Variants in AKAP9 observed in about 807,000 individuals in gnomAD.
The protein encoded by AKAP9 is A-kinase anchor protein 9.
AKAP9 carries 311 observed loss-of-function variants against 488.5 expected under a neutral mutation model. That is an observed-to-expected ratio of 0.64 (90% CI 0.58 to 0.70). AKAP9 has a LOEUF of 0.70. AKAP9 is among the 30% of genes least tolerant of loss of function. AKAP9 has a pLI of 0.00. For missense variants in AKAP9, 4,215 were observed against 4,374.5 expected (o/e 0.96, Z 1.03); for synonymous variants, 1,462 against 1,483.5 (o/e 0.99, Z 0.33).
chr7:92,098,639 C>A (rs1817046232), intron 43 of AKAP9, among the ~76,000 whole-genome samples: 2 of 152,168 alleles, frequency 1.3e-5, no homozygotes, highest in South Asian at 2.1e-4. Flanking sequence ...TCTTTCCTTG[C>A]CTGTCATGTC....
Position 92,089,479 on chromosome 7 carries a change from G to A in AKAP9, c.9308G>A (p.Gly3103Asp). The change falls in exon 38 of 50, where the codon GGT (glycine) becomes GAT (aspartate). Residue 3103 changes from glycine to aspartate, a missense_variant. By Grantham distance (94) the Gly-to-Asp change is moderately conservative. Transcript: ENST00000356239. ...EIQALHAQMN[G>D]RKITLKREQE... is the part of the protein sequence containing the mutation. ...CAGGCACTGCATGCACAAATGAATG[G>A]TAGGAAAATTACTCTGAAAAGAGAA... is the stretch of plus-strand genomic sequence containing the variant. 1 of 1,613,428 alleles carries A rather than the reference G, an allele frequency of 6.2e-7. No individual in the cohort carries two copies. The highest frequency in any genetic ancestry group is 8.5e-7 in the Non-Finnish European group (1 of 1,179,748).
chr7:92,003,011 G>A lies in AKAP9; in HGVS notation c.3094G>A (p.Glu1032Lys), dbSNP rs370276249. The A allele has an allele frequency of 4.3e-6, 7 of 1,613,386 alleles. No individual in the cohort carries two copies. The highest frequency in any genetic ancestry group is 4.0e-5 in the African/African-American group (3 of 74,904). Residue 1032 changes from glutamate to lysine, a missense_variant, in exon 8 of 50, where the codon GAA becomes AAA. Around this residue, in one of 5 missense-constraint regions of AKAP9, gnomAD observed 2,361 missense variants for 2,430.0 expected, o/e 0.97. Transcript: ENST00000356239. Reference protein sequence around the residue: ...GVVTMTSRGAEGSVSKVNKSF... With the variant: ...GVVTMTSRGAKGSVSKVNKSF... Reference sequence around the variant, plus strand: ...TGTGACCATGACAAGCAGGGGTGCTGAAGGATCAGTTTCTAAAGTAAATAA... The same window carrying A: ...TGTGACCATGACAAGCAGGGGTGCTAAAGGATCAGTTTCTAAAGTAAATAA...
At chr7:92,089,018 A>G (rs1390512859) in intron 37 of AKAP9, among the ~76,000 whole-genome samples, 1 of 152,218 alleles carries the variant, frequency 6.6e-6, no homozygotes, top group Non-Finnish European at 1.5e-5. Context: ...ATTCAAGGTC[A>G]TGAAAGACAA....
chr7:91,997,853 A>C (rs117250050), intron 7 of AKAP9, among the ~76,000 whole-genome samples: 2,753 of 152,238 alleles, frequency 0.018, 30 homozygotes, highest in Admixed American at 0.034. Flanking sequence ...CACTATATAC[A>C]TTTTTTTAAA....
At chr7:92,037,810 G>A (rs896003117) in intron 16 of AKAP9, among the ~76,000 whole-genome samples, 7 of 152,138 alleles carry the variant, frequency 4.6e-5, no homozygotes, top group Admixed American at 3.3e-4. Context: ...CATCACACTG[G>A]TGTTTAAAAT....
intron 24 of AKAP9, among the ~76,000 whole-genome samples, 167 bp from the exon 25 acceptor site, chr7:92,065,064 T>C (rs902859408): frequency 2.0e-5 from 3 of 152,040 alleles, no homozygotes; most frequent in African/African-American, 7.2e-5. Flanking sequence ...ATAGAAATAT[T>C]TTAATATAAT....
In AKAP9 at chr7:92,083,582, A is replaced by G. The variant is rs888121209; in HGVS notation, c.8573A>G (p.Tyr2858Cys). ...SETETLKREH[Y>C]VAVQLLKEEC... ...ACTGAAACCTTAAAGAGGGAACACT[A>G]TGTTGCCGTTCAGTTACTGAAAGAG... is the stretch of plus-strand genomic sequence containing the variant. The change falls in exon 33 of 50, where the codon TAT (tyrosine) becomes TGT (cysteine). Residue 2858 changes from tyrosine to cysteine, a missense_variant. Around this residue, in one of 5 missense-constraint regions of AKAP9, gnomAD observed 1,476 missense variants for 1,477.4 expected, o/e 1.00. Coordinates refer to ENST00000356239, the MANE Select transcript of AKAP9 (RefSeq NM_005751.5). 1.2e-6 allele frequency: 2 copies of G among 1,603,568 alleles called. No homozygotes were observed. The highest frequency in any genetic ancestry group is 1.7e-4 in the Middle Eastern group (1 of 5,986).
chr7:91,966,722 C>T (rs1302978478), intron 1 of AKAP9, among the ~76,000 whole-genome samples: 1 of 152,140 alleles, frequency 6.6e-6, no homozygotes, highest in Non-Finnish European at 1.5e-5. Context: ...CAAGACCATG[C>T]TGATTTGTTT....
At chr7:92,096,138 CT>C (rs1816525951) in intron 40 of AKAP9, among the ~76,000 whole-genome samples, 1 of 152,068 alleles carries the variant, frequency 6.6e-6, no homozygotes, top group African/African-American at 2.4e-5. Context: ...ATGTACCCTG[CT>C]TCATATTACT....
At position 92,107,399 on chromosome 7, in the gene AKAP9, G is replaced by T. The variant is rs1449519320; in HGVS notation, c.11523G>T (p.Arg3841Ser). 3 of 1,613,690 alleles carry T rather than the reference G, an allele frequency of 1.9e-6. No homozygotes were observed. The Admixed American group carries it at 5.0e-5, about 27-fold the overall frequency. The change falls in exon 48 of 50, where the codon AGG becomes AGT. Residue 3841 changes from arginine (R) to serine (S), a missense_variant. Arg to Ser is a moderately radical substitution (Grantham distance 110). Transcript: ENST00000356239. ...CAAGATCAGATCTGGACTATATTAG[G>T]TCCCCTTTACCATTTCAGAATAGGT... is the stretch of plus-strand genomic sequence containing the variant. ...YRSRSDLDYI[R>S]SPLPFQNRYP...
chr7:92,032,518 T>G (rs554834784), intron 16 of AKAP9, among the ~76,000 whole-genome samples: 1 of 151,022 alleles, frequency 6.6e-6, no homozygotes, highest in Non-Finnish European at 1.5e-5. Flanking sequence ...AAAAAAGATA[T>G]ATGTATATAT....
intron 44 of AKAP9, among the ~76,000 whole-genome samples, chr7:92,100,475 T>C (rs927564776): frequency 6.6e-6 from 1 of 152,236 alleles, no homozygotes; most frequent in African/African-American, 2.4e-5. Context: ...GTGCCTTTTA[T>C]AGAAATCCAC....
chr7:91,981,483 C>T (rs917445223), intron 3 of AKAP9, among the ~76,000 whole-genome samples: 4 of 152,018 alleles, frequency 2.6e-5, no homozygotes, highest in East Asian at 1.9e-4. Flanking sequence ...CTTAGGCATC[C>T]GTGATTTTAG....
intron 8 of AKAP9, among the ~76,000 whole-genome samples, 176 bp from the exon 9 acceptor site, chr7:92,012,253 A>G (rs982706011): frequency 3.3e-5 from 5 of 152,190 alleles, no homozygotes; most frequent in Non-Finnish European, 5.9e-5. Flanking sequence ...ACATTGTGCT[A>G]CTTTCCTTGA....
intron 14 of AKAP9, among the ~76,000 whole-genome samples, chr7:92,025,495 G>A (rs1802967966): frequency 6.6e-6 from 1 of 152,198 alleles, no homozygotes; most frequent in Admixed American, 6.5e-5. Context: ...TTTTGGACAT[G>A]ACTGTAACAC....
intron 23 of AKAP9, among the ~76,000 whole-genome samples, 162 bp downstream of exon 23, chr7:92,061,584 C>CTATATATATA (rs71528033): frequency 0.026 from 2,631 of 102,118 alleles, 67 homozygotes; most frequent in East Asian, 0.032. Flanking sequence ...ATTTTTAAAA[C>CTATATATATA]TATATATATA....
intron 28 of AKAP9, among the ~76,000 whole-genome samples, chr7:92,073,235 G>A (rs955588668): frequency 1.3e-5 from 2 of 151,824 alleles, no homozygotes; most frequent in South Asian, 2.1e-4. Context: ...GGTGACTCAC[G>A]CCTGTAATCC....
At chr7:91,973,308 A>G (rs1795305771) in intron 1 of AKAP9, among the ~76,000 whole-genome samples, 1 of 152,076 alleles carries the variant, frequency 6.6e-6, no homozygotes, top group African/African-American at 2.4e-5. Flanking sequence ...TGGAGCCCAG[A>G]AAGTTGAGGT....
In AKAP9 at chr7:92,012,410, T is replaced by G. The variant is rs1562978067; in HGVS notation, c.3319-19T>G. ...TGTCATTTAAGAATATTATAATGTT[T>G]ACATATGTTTACTTTAAGAATGATT... is the stretch of plus-strand genomic sequence containing the variant. On this transcript the variant is annotated intron_variant, in intron 8 of 49. Coordinates refer to ENST00000356239, the MANE Select transcript of AKAP9 (RefSeq NM_005751.5). 1 of 1,589,058 alleles carries G rather than the reference T, an allele frequency of 6.3e-7. No individual in the cohort carries two copies.
Sources: allele counts gnomAD v4.1 joint callset (sites outside exome capture counted in the v4.1 genomes callset), GRCh38; gene constraint gnomAD v4.1.1; regional missense constraint gnomAD v4.1.1; transcripts MANE v1.5; gene names NCBI Gene and HGNC (gene_info 2026-07-23, HGNC 2026-07-21).